The following ADAM32 variants were observed in gnomAD, a reference collection of about 807,000 sequenced individuals.
The protein encoded by ADAM32 is disintegrin and metalloproteinase domain-containing protein 32.
Under a neutral mutation model 114.9 loss-of-function variants are expected in ADAM32, and 89 were observed. That is an observed-to-expected ratio of 0.77 (90% CI 0.65 to 0.92). The LOEUF (loss-of-function observed/expected upper bound fraction) is 0.92, where lower values mean the gene tolerates loss of function less well. Ranked by LOEUF, ADAM32 falls within the 40% of genes least tolerant of loss-of-function variation. The pLI is 0.00. For synonymous variants in ADAM32, 285 were observed against 307.5 expected (o/e 0.93, Z 0.77); for missense variants, 870 against 932.8 (o/e 0.93, Z 0.88).
At chr8:39,256,351 C>T (rs1811646646) in intron 18 of ADAM32, among the ~76,000 whole-genome samples, 1 of 151,942 alleles carries the variant, frequency 6.6e-6, no homozygotes. Flanking sequence ...GTGTCTAGTA[C>T]TGTTACTGTG....
At chr8:39,156,035 G>GTACAAGCTATTGTATAGTAATACAATT in intron 6 of ADAM32, among the ~76,000 whole-genome samples, 4 of 151,926 alleles carry the variant, frequency 2.6e-5, no homozygotes, top group African/African-American at 9.7e-5. Flanking sequence ...ATAATACAAT[G>GTACAAGCTATTGTATAGTAATACAATT]TACAAGCTAT....
intron 7 of ADAM32, among the ~76,000 whole-genome samples, chr8:39,162,379 A>G (rs1804570077): frequency 6.6e-6 from 1 of 151,914 alleles, no homozygotes; most frequent in South Asian, 2.1e-4. Flanking sequence ...CATGGTGTAT[A>G]TGTGCCACAT....
At chr8:39,188,020 C>T (rs528086847) in intron 11 of ADAM32, among the ~76,000 whole-genome samples, 16 of 152,008 alleles carry the variant, frequency 1.1e-4, no homozygotes, top group East Asian at 1.9e-4. Flanking sequence ...TGGCCTATGA[C>T]GTGGGTAACC....
chr8:39,211,634 G>T (rs10094307), intron 12 of ADAM32, among the ~76,000 whole-genome samples: 70,705 of 151,994 alleles, frequency 0.47, 17,816 homozygotes, highest in South Asian at 0.69. Context: ...ACATTTTACA[G>T]ATGTCTTAAT....
At chr8:39,219,615 AGCT>A (rs1168090838) in intron 12 of ADAM32, among the ~76,000 whole-genome samples, 24 of 152,288 alleles carry the variant, frequency 1.6e-4, no homozygotes, top group African/African-American at 5.8e-4. Context: ...CGCACCATGA[AGCT>A]GCTGCTGGGG....
At chr8:39,257,727 A>G in intron 19 of ADAM32, among the ~76,000 whole-genome samples, 1 of 152,146 alleles carries the variant, frequency 6.6e-6, no homozygotes. Flanking sequence ...CTCATATAAG[A>G]AGTAATTTTA....
chr8:39,187,724 T>TTGGAGACCA (rs1806341396), intron 11 of ADAM32, among the ~76,000 whole-genome samples: 1 of 152,142 alleles, frequency 6.6e-6, no homozygotes, highest in Non-Finnish European at 1.5e-5. Flanking sequence ...AAAATATATA[T>TTGGAGACCA]ATATATATGT....
intron 17 of ADAM32, among the ~76,000 whole-genome samples, chr8:39,251,168 C>G (rs1811266064): frequency 1.3e-5 from 2 of 151,660 alleles, no homozygotes; most frequent in African/African-American, 4.8e-5. Flanking sequence ...TATTGATTTC[C>G]ATTCTTTTGG....
chr8:39,124,446 C>A (rs1801991294), intron 2 of ADAM32, among the ~76,000 whole-genome samples: 1 of 144,510 alleles, frequency 6.9e-6, no homozygotes, highest in South Asian at 2.1e-4. Flanking sequence ...GAGACGGAGT[C>A]TTGCTCTGTC....
In ADAM32 at chr8:39,165,201, G is replaced by T; in HGVS notation, c.833+5G>T. On this transcript the variant is annotated splice_donor_5th_base_variant and intron_variant, in intron 9 of 24. Transcript: ENST00000379907. Reference sequence around the variant, plus strand: ...TGATATTGCATATCTACTAATGTAAGAATAATGTTTCATTATTCCTAGAAA... The same window carrying T: ...TGATATTGCATATCTACTAATGTAATAATAATGTTTCATTATTCCTAGAAA... The T allele has an allele frequency of 6.7e-7, 1 of 1,490,782 alleles. No individual in the cohort carries two copies. Among genetic ancestry groups the T allele is most frequent in the Non-Finnish European group, 9.0e-7 (1 of 1,105,448 alleles). The allele number at this position is 1,490,782 out of a possible 1,614,324, so 92.3% of individuals were successfully genotyped here.
chr8:39,107,882 G>A (rs1431071124), intron 1 of ADAM32, 49 bp downstream of exon 1: 3 of 1,481,082 alleles, frequency 2.0e-6, no homozygotes, highest in African/African-American at 1.4e-5. Flanking sequence ...GTCACACTGC[G>A]GCCCGACTCC....
chr8:39,140,493 G>A (rs1803082384), intron 3 of ADAM32, among the ~76,000 whole-genome samples: 1 of 152,314 alleles, frequency 6.6e-6, no homozygotes, highest in South Asian at 2.1e-4. Context: ...TTGCATCCCA[G>A]GGATGAAGCT....
At chr8:39,230,319 G>A (rs973884658) in intron 14 of ADAM32, among the ~76,000 whole-genome samples, 40 of 152,156 alleles carry the variant, frequency 2.6e-4, no homozygotes, top group Non-Finnish European at 4.9e-4. Context: ...AAGTCTGAGA[G>A]AAAGTGATCA....
chr8:39,151,527 C>T lies in ADAM32; in HGVS notation c.504C>T (p.Asp168=), dbSNP rs1803825335. The T allele has an allele frequency of 1.3e-6, 2 of 1,572,498 alleles. No individual in the cohort carries two copies. The highest frequency in any genetic ancestry group is 1.4e-5 in the African/African-American group (1 of 72,602). The change falls in exon 6 of 25, where the codon GAC becomes GAT. Residue 168 remains aspartate, a synonymous_variant. Coordinates refer to ENST00000379907, the MANE Select transcript of ADAM32 (RefSeq NM_145004.7). Reference sequence around the variant, plus strand: ...GCCTGAAAGAACAACCAATGGATGACAACATTTTTATAAGTGAAAAAGTGA... The same window carrying T: ...GCCTGAAAGAACAACCAATGGATGATAACATTTTTATAAGTGAAAAAGTGA... ...DRSLKEQPMD[D]NIFISEKSEP...
intron 19 of ADAM32, among the ~76,000 whole-genome samples, chr8:39,268,192 T>G (rs186719603): frequency 6.6e-6 from 1 of 152,376 alleles, no homozygotes; most frequent in Admixed American, 6.5e-5. Context: ...AAAGTGGTTT[T>G]GTCATCTTGT....
At chr8:39,255,222 G>C (rs2129450557) in intron 18 of ADAM32, among the ~76,000 whole-genome samples, 1 of 151,654 alleles carries the variant, frequency 6.6e-6, no homozygotes, top group East Asian at 1.9e-4. Flanking sequence ...TTTATATAAT[G>C]ACTTCCTCTG....
chr8:39,194,449 G>GCA (rs1806820410), intron 11 of ADAM32, among the ~76,000 whole-genome samples: 1 of 152,114 alleles, frequency 6.6e-6, no homozygotes, highest in Admixed American at 6.5e-5. Context: ...AGGTTCTCCT[G>GCA]CACACACAGA....
At chr8:39,272,939 T>C (rs1170353564) in intron 20 of ADAM32, among the ~76,000 whole-genome samples, 1 of 152,188 alleles carries the variant, frequency 6.6e-6, no homozygotes, top group Non-Finnish European at 1.5e-5. Context: ...GTCTTAATTT[T>C]TTTTTCTTTT....
chr8:39,243,464 G>T (rs1213205929), intron 16 of ADAM32, among the ~76,000 whole-genome samples: 1 of 152,168 alleles, frequency 6.6e-6, no homozygotes, highest in East Asian at 1.9e-4. Flanking sequence ...TACCAGAGAT[G>T]CAAGTTTAGC....
Sources: allele counts gnomAD v4.1 joint callset (sites outside exome capture counted in the v4.1 genomes callset), GRCh38; gene constraint gnomAD v4.1.1; transcripts MANE v1.5; gene names NCBI Gene and HGNC (gene_info 2026-07-23, HGNC 2026-07-21).